CRTC2: variants seen among roughly 807,000 people sequenced by gnomAD.
CRTC2 encodes CREB regulated transcription coactivator 2, also known as CREB-regulated transcription coactivator 2.
In CRTC2, 25 loss-of-function variants were observed where a neutral mutation model predicts 70.9. That is an observed-to-expected ratio of 0.35 (90% confidence interval 0.26 to 0.49). CRTC2 has a LOEUF of 0.49. CRTC2 is among the 20% of genes least tolerant of loss of function. The probability of loss-of-function intolerance (pLI) is 0.98; values close to 1 mark genes in which losing one functional copy is unlikely to be tolerated. For missense variants in CRTC2, 737 were observed against 882.6 expected (o/e 0.83, Z 2.09); for synonymous variants, 330 against 364.1 (o/e 0.91, Z 1.07).
rs1251540922 is a variant in CRTC2, at chr1:153,955,153, T to C, written c.167A>G (p.Lys56Arg). ...GCTCCTTGTGTATGCCAGTCGCAGT[T>C]TTTGGGCCTGTAACTGAGACATGGG... ...DIGSTRLQAQ[K>R]LRLAYTRSSH... Residue 56 changes from lysine (K) to arginine (R), a missense_variant, in exon 2 of 14, where the codon AAA becomes AGA. Transcript: ENST00000368633. 1 of 1,613,622 alleles carries C rather than the reference T, an allele frequency of 6.2e-7. No individual in the cohort carries two copies. Among genetic ancestry groups the C allele is most frequent in the African/African-American group, 1.3e-5 (1 of 74,876 alleles).
intron 12 of CRTC2, 75 bp downstream of exon 12, chr1:153,949,040 A>G: frequency 6.7e-7 from 1 of 1,481,534 alleles, no homozygotes; most frequent in South Asian, 1.1e-5. Context: ...ACAGTGCACC[A>G]GCCATGCCAT....
chr1:153,948,019 G>C lies in CRTC2; in HGVS notation c.*90C>G, dbSNP rs1680103641. The C allele has an allele frequency of 8.2e-7, 1 of 1,223,138 alleles. No homozygotes were observed. The allele number at this position is 1,223,138 out of a possible 1,614,324, so 75.8% of individuals were successfully genotyped here. A position where few individuals can be genotyped will look rare whatever the true frequency, so the allele number is the denominator to read the frequency against. ...ATGCTAGAAAGAGGATCTGGGGACA[G>C]AGAGTAGAGTCTCTACCTGCCAGGG... On this transcript the variant is annotated 3_prime_UTR_variant, in exon 14 of 14. Coordinates refer to ENST00000368633, the MANE Select transcript of CRTC2 (RefSeq NM_181715.3).
At chr1:153,950,481 T>C (rs1244870818) in intron 11 of CRTC2, among the ~76,000 whole-genome samples, 2 of 151,580 alleles carry the variant, frequency 1.3e-5, no homozygotes, top group Non-Finnish European at 2.9e-5. Context: ...GGGATAGCAA[T>C]GGAGGAGGAA....
chr1:153,957,885 CT>C (rs1680711689), intron 1 of CRTC2, among the ~76,000 whole-genome samples: 1 of 152,160 alleles, frequency 6.6e-6, no homozygotes, highest in Non-Finnish European at 1.5e-5. Flanking sequence ...TCAAGGGGCC[CT>C]TTCCCGGGGG....
rs1680103215 is a variant in CRTC2 at position 153,948,009 on chromosome 1, T to A, written c.*100A>T. The A allele has an allele frequency of 1.8e-6, 2 of 1,142,768 alleles. No homozygotes were observed. Among genetic ancestry groups the A allele is most frequent in the African/African-American group, 3.1e-5 (2 of 65,318 alleles). 70.8% of individuals were successfully genotyped at this position (1,142,768 alleles called of 1,614,324 possible). ...TCCTTCATTCATGCTAGAAAGAGGATCTGGGGACAGAGAGTAGAGTCTCTA... is the reference window on the plus strand; with the variant it reads ...TCCTTCATTCATGCTAGAAAGAGGAACTGGGGACAGAGAGTAGAGTCTCTA... On this transcript the variant is annotated 3_prime_UTR_variant, in exon 14 of 14. Coordinates refer to ENST00000368633, the MANE Select transcript of CRTC2 (RefSeq NM_181715.3).
intron 6 of CRTC2, 29 bp from the exon 7 acceptor site, chr1:153,952,863 A>G: frequency 6.2e-7 from 1 of 1,614,128 alleles, no homozygotes; most frequent in Non-Finnish European, 8.5e-7. Context: ...CATTGGCTGC[A>G]GTGCTCACTT....
At chr1:153,950,675 G>A (rs1199876292) in intron 11 of CRTC2, among the ~76,000 whole-genome samples, 4 of 152,194 alleles carry the variant, frequency 2.6e-5, no homozygotes. Flanking sequence ...GGTAAACTTG[G>A]AAAAGTCACT....
intron 5 of CRTC2, 21 bp from the exon 6 acceptor site, chr1:153,953,390 A>T (rs756075717): frequency 1.5e-5 from 24 of 1,559,908 alleles, no homozygotes; most frequent in Non-Finnish European, 1.8e-6. Flanking sequence ...AGCAGGAATG[A>T]GCTGACACCA....
At position 153,952,554 on chromosome 1, in the gene CRTC2, C is replaced by T. The variant is rs200315514; in HGVS notation, c.702+17G>A. 56 of 1,613,898 alleles carry T rather than the reference C, an allele frequency of 3.5e-5. No homozygotes were observed. Among genetic ancestry groups the T allele is most frequent in the Middle Eastern group, 1.7e-4 (1 of 6,060 alleles). On this transcript the variant is annotated intron_variant, in intron 8 of 13. Coordinates refer to ENST00000368633, the MANE Select transcript of CRTC2 (RefSeq NM_181715.3). ...AGCAGAGAGACTAGTGGGTGACACC[C>T]GGTGGCCTCCTCCTACCTTCTTAGC...
At chr1:153,954,107 G>T in intron 4 of CRTC2, 148 bp downstream of exon 4, 1 of 673,288 alleles carries the variant, frequency 1.5e-6, no homozygotes. Flanking sequence ...TACTCCAACT[G>T]TCTCCACCTC....
intron 1 of CRTC2, among the ~76,000 whole-genome samples, chr1:153,956,571 G>T (rs145088495): frequency 5.0e-4 from 76 of 152,266 alleles, no homozygotes; most frequent in Admixed American, 7.8e-4. Context: ...TGTTCCAGGA[G>T]GTCAGCCTAG....
At position 153,958,580 on chromosome 1, in the gene CRTC2, A is replaced by T; in HGVS notation, c.-83T>A. ...GCCTCGGCCCGGCTCCTCCAGCCGT[A>T]GCCACCGCCGCCTCAGCGAGCACCG... is the stretch of plus-strand genomic sequence containing the variant. On this transcript the variant is annotated 5_prime_UTR_variant, in exon 1 of 14. Transcript: ENST00000368633. 1 of 1,369,002 alleles carries T rather than the reference A, an allele frequency of 7.3e-7. No homozygotes were observed. Among genetic ancestry groups the T allele is most frequent in the Non-Finnish European group, 9.8e-7 (1 of 1,022,524 alleles). 84.8% of individuals were successfully genotyped at this position (1,369,002 alleles called of 1,614,324 possible). A position where few individuals can be genotyped will look rare whatever the true frequency, so the allele number is the denominator to read the frequency against.
chr1:153,955,284 T>G lies in CRTC2; in HGVS notation c.154-118A>C, dbSNP rs1455696709. The G allele has an allele frequency of 6.4e-6, 5 of 776,596 alleles. No homozygotes were observed. The East Asian group carries it at 1.4e-4, about 21-fold the overall frequency. The allele number at this position is 776,596 out of a possible 1,614,324, so 48.1% of individuals were successfully genotyped here. A position where few individuals can be genotyped will look rare whatever the true frequency, so the allele number is the denominator to read the frequency against. On this transcript the variant is annotated intron_variant, in intron 1 of 13. Coordinates refer to ENST00000368633, the MANE Select transcript of CRTC2 (RefSeq NM_181715.3). Reference sequence around the variant, plus strand: ...CTGCCGCCACTGCTTTTAAAATATCTAGGCCAGGCACAGTAGCTCACACCT... The same window carrying G: ...CTGCCGCCACTGCTTTTAAAATATCGAGGCCAGGCACAGTAGCTCACACCT...
intron 1 of CRTC2, among the ~76,000 whole-genome samples, chr1:153,955,587 A>AG (rs1680580583): frequency 6.7e-6 from 1 of 149,686 alleles, no homozygotes; most frequent in Non-Finnish European, 1.5e-5. Context: ...AAAAAAAAAA[A>AG]GGATCACTTC....
At chr1:153,954,629 C>T (rs1370362716) in intron 3 of CRTC2, among the ~76,000 whole-genome samples, 2 of 152,212 alleles carry the variant, frequency 1.3e-5, no homozygotes, top group Admixed American at 6.5e-5. Flanking sequence ...TTGCCTCTGG[C>T]AGCAAGCTGA....
intron 12 of CRTC2, 178 bp downstream of exon 12, chr1:153,948,937 G>A (rs1009373956): frequency 6.5e-6 from 5 of 774,374 alleles, no homozygotes; most frequent in East Asian, 2.7e-5. Context: ...AGGGTCAAAC[G>A]CAGGAAGAGA....
At position 153,954,283 on chromosome 1, in the gene CRTC2, A is replaced by G. The variant is rs1195412434; in HGVS notation, c.406T>C (p.Ser136Pro). 6.2e-7 allele frequency: 1 copy of G among 1,612,868 alleles called. No individual in the cohort carries two copies. ...CGCCAGCTAGACTCTGGGGGAGGAG[A>G]TAAGTAGGCAGGACTATAGGGAGAG... is the stretch of plus-strand genomic sequence containing the variant. Reference protein sequence around the residue: ...DSSPYSPAYLSPPPESSWRRT... With the variant: ...DSSPYSPAYLPPPPESSWRRT... Residue 136 changes from serine to proline, a missense_variant, in exon 4 of 14, where the codon TCT (serine) becomes CCT (proline). This residue lies in a region of CRTC2 where 699 missense variants were observed against 823.7 expected (regional missense o/e 0.85). Coordinates refer to ENST00000368633, the MANE Select transcript of CRTC2 (RefSeq NM_181715.3).
intron 3 of CRTC2, among the ~76,000 whole-genome samples, 154 bp from the exon 4 acceptor site, chr1:153,954,470 G>A (rs375443501): frequency 7.9e-5 from 12 of 152,218 alleles, no homozygotes; most frequent in Non-Finnish European, 1.6e-4. Flanking sequence ...GAATGGAAGA[G>A]AAAAAGGGAA....
At chr1:153,952,345 T>A in intron 9 of CRTC2, 52 bp downstream of exon 9, 1 of 1,608,608 alleles carries the variant, frequency 6.2e-7, no homozygotes, top group Non-Finnish European at 8.5e-7. Context: ...GTCTCCTACA[T>A]CTCCCTGTAC....
Sources: allele counts gnomAD v4.1 joint callset (sites outside exome capture counted in the v4.1 genomes callset), GRCh38; gene constraint gnomAD v4.1.1; regional missense constraint gnomAD v4.1.1; transcripts MANE v1.5; gene names NCBI Gene and HGNC (gene_info 2026-07-23, HGNC 2026-07-21).